RALGAPB: variants seen among roughly 807,000 people sequenced by gnomAD.
RALGAPB encodes the protein ral GTPase-activating protein subunit beta.
RALGAPB carries 25 observed loss-of-function variants against 161.1 expected under a neutral mutation model. The observed-to-expected ratio is 0.16, with a 90% CI of 0.11 to 0.22. The LOEUF (loss-of-function observed/expected upper bound fraction) is 0.22, where lower values mean the gene tolerates loss of function less well. RALGAPB is among the 10% of genes least tolerant of loss of function. The probability of loss-of-function intolerance (pLI) is 1.00; values close to 1 mark genes in which losing one functional copy is unlikely to be tolerated. For synonymous variants in RALGAPB, 629 were observed against 626.1 expected (o/e 1.00, Z -0.07); for missense variants, 1,391 against 1,815.2 (o/e 0.77, Z 4.25).
intron 7 of RALGAPB, 61 bp downstream of exon 7, chr20:38,516,431 A>G: frequency 6.8e-7 from 1 of 1,472,438 alleles, no homozygotes. Flanking sequence ...TCTAGAGGCT[A>G]ACCCTAGGAG....
At chr20:38,567,339 C>G (rs2088043819) in intron 26 of RALGAPB, 107 bp downstream of exon 26, 10 of 1,382,062 alleles carry the variant, frequency 7.2e-6, no homozygotes, top group Admixed American at 2.7e-5. Context: ...TATCAGAGTA[C>G]TGATTCCTTA....
At position 38,578,360 on chromosome 20, in the gene RALGAPB, C is replaced by T. The variant is rs564248719; in HGVS notation, c.*3393C>T. The T allele has an allele frequency of 4.6e-5, 7 of 152,240 alleles. No homozygotes were observed. Among genetic ancestry groups the T allele is most frequent in the Non-Finnish European group, 7.4e-5 (5 of 68,024 alleles). The allele number at this position is 152,240 out of a possible 1,614,324, so 9.4% of individuals were successfully genotyped here. ...TAGTGTGTTTCTCAGAATATCAACT[C>T]ATGTTCTTCAGATGCTTTTCTTTTT... On this transcript the variant is annotated 3_prime_UTR_variant, in exon 30 of 30. Coordinates refer to ENST00000262879, the MANE Select transcript of RALGAPB (RefSeq NM_020336.4).
At position 38,558,302 on chromosome 20, in the gene RALGAPB, C is replaced by T. The variant is rs2145472641; in HGVS notation, c.3380C>T (p.Ala1127Val). 6.6e-7 allele frequency: 1 copy of T among 1,512,282 alleles called. No individual in the cohort carries two copies. The highest frequency in any genetic ancestry group is 8.9e-7 in the Non-Finnish European group (1 of 1,124,604). 93.7% of individuals were successfully genotyped at this position (1,512,282 alleles called of 1,614,324 possible). A position where few individuals can be genotyped will look rare whatever the true frequency, so the allele number is the denominator to read the frequency against. ...TTCTTCTTTTGGTGGCAGGAACCTG[C>T]AAATAGTCGTCTACCTCCTCACCTT... Reference protein sequence around the residue: ...FLSLEALKEPANSRLPPHLIA... With the variant: ...FLSLEALKEPVNSRLPPHLIA... Residue 1127 changes from alanine (A) to valine (V), a missense_variant, in exon 23 of 30, where the codon GCA becomes GTA. By Grantham distance (64) the Ala-to-Val change is moderately conservative. Transcript: ENST00000262879.
Position 38,492,966 on chromosome 20 carries a change from A to T in RALGAPB, c.223A>T (p.Thr75Ser). Reference protein sequence around the residue: ...WTMEVICYGLTLPLDGETVKY... With the variant: ...WTMEVICYGLSLPLDGETVKY... The stretch of plus-strand genomic sequence containing the variant: ...CATGGAAGTAATTTGCTATGGACTG[A>T]CCCTTCCATTGGATGGAGAGACTGT... Residue 75 changes from threonine (T) to serine (S), a missense_variant, in exon 3 of 30, where the codon ACC (threonine) becomes TCC (serine). Transcript: ENST00000262879. The T allele has an allele frequency of 6.2e-7, 1 of 1,612,428 alleles. No homozygotes were observed. Among genetic ancestry groups the T allele is most frequent in the South Asian group, 1.1e-5 (1 of 91,044 alleles).
chr20:38,499,854 C>T, intron 5 of RALGAPB: 1 of 340,082 alleles, frequency 2.9e-6, no homozygotes, highest in Non-Finnish European at 5.2e-6. Context: ...AATTTTATAC[C>T]CTACTTCCCC....
At position 38,492,921 on chromosome 20, in the gene RALGAPB, T is replaced by C. The variant is rs772767984; in HGVS notation, c.187-9T>C. On this transcript the variant is annotated splice_polypyrimidine_tract_variant and intron_variant, in intron 2 of 29. Coordinates refer to ENST00000262879, the MANE Select transcript of RALGAPB (RefSeq NM_020336.4). The stretch of plus-strand genomic sequence containing the variant: ...TAATAATTCTATATGGATATTTTCT[T>C]TTGTCTAGGTAAAATGGACCATGGA... 1 of 1,586,980 alleles carries C rather than the reference T, an allele frequency of 6.3e-7. No homozygotes were observed. Among genetic ancestry groups the C allele is most frequent in the Non-Finnish European group, 8.7e-7 (1 of 1,155,996 alleles).
chr20:38,531,248 C>G lies in RALGAPB; in HGVS notation c.2115+17C>G. 1 of 1,568,758 alleles carries G rather than the reference C, an allele frequency of 6.4e-7. No individual in the cohort carries two copies. Among genetic ancestry groups the G allele is most frequent in the Non-Finnish European group, 8.8e-7 (1 of 1,140,428 alleles). ...ATGGAGATGGTAAGAAGCATACATG[C>G]AATCTGTCAGAGAATATCACTTTTG... On this transcript the variant is annotated intron_variant, in intron 14 of 29. Transcript: ENST00000262879.
At chr20:38,526,135 C>G (rs1267539545) in intron 13 of RALGAPB, 93 bp downstream of exon 13, 7 of 1,347,600 alleles carry the variant, frequency 5.2e-6, no homozygotes, top group Non-Finnish European at 7.2e-6. Context: ...GGAGCCTAAA[C>G]CTAATGTAGC....
intron 10 of RALGAPB, 67 bp downstream of exon 10, chr20:38,521,765 G>A (rs1006037801): frequency 2.3e-5 from 34 of 1,511,004 alleles, no homozygotes; most frequent in South Asian, 1.4e-4. Context: ...TTGGTTGGCC[G>A]ACTGAACCGA....
intron 5 of RALGAPB, among the ~76,000 whole-genome samples, chr20:38,505,599 A>G (rs2085738031): frequency 6.6e-6 from 1 of 152,160 alleles, no homozygotes; most frequent in Non-Finnish European, 1.5e-5. Flanking sequence ...GAAGGCACAG[A>G]TAAATTATTA....
At chr20:38,549,098 A>G (rs1011565499) in intron 20 of RALGAPB, among the ~76,000 whole-genome samples, 8 of 152,212 alleles carry the variant, frequency 5.3e-5, no homozygotes, top group Non-Finnish European at 1.0e-4. Context: ...TACAAATGTA[A>G]TAAAAGTCAG....
chr20:38,516,235 C>G lies in RALGAPB; in HGVS notation c.916C>G (p.Pro306Ala). ...LSNPAIISST[P>A]KFQEQFLNVS... is the part of the protein sequence containing the mutation. ...TAACCCAGCTATTATAAGCTCTACT[C>G]CCAAATTTCAGGAACAGTTCTTGAA... The change falls in exon 7 of 30, where the codon CCC (proline) becomes GCC (alanine). Residue 306 changes from proline to alanine, a missense_variant. Coordinates refer to ENST00000262879, the MANE Select transcript of RALGAPB (RefSeq NM_020336.4). The G allele has an allele frequency of 6.2e-7, 1 of 1,612,492 alleles. No homozygotes were observed. The highest frequency in any genetic ancestry group is 8.5e-7 in the Non-Finnish European group (1 of 1,178,974).
chr20:38,554,792 T>C (rs924792921), intron 22 of RALGAPB, among the ~76,000 whole-genome samples: 1 of 152,216 alleles, frequency 6.6e-6, no homozygotes, highest in Non-Finnish European at 1.5e-5. Context: ...TAAAACAATT[T>C]TACAGCCAGG....
intron 3 of RALGAPB, among the ~76,000 whole-genome samples, chr20:38,493,481 A>G (rs1208273269): frequency 2.0e-5 from 3 of 152,238 alleles, no homozygotes; most frequent in Non-Finnish European, 2.9e-5. Flanking sequence ...AGGGAGATGC[A>G]TCTACCTTAA....
chr20:38,506,170 A>T (rs906702059), intron 5 of RALGAPB, among the ~76,000 whole-genome samples: 2 of 152,190 alleles, frequency 1.3e-5, no homozygotes, highest in Non-Finnish European at 2.9e-5. Context: ...TGTGTAGGTT[A>T]TATGCAAATA....
chr20:38,530,231 A>T (rs1037708732), intron 13 of RALGAPB, among the ~76,000 whole-genome samples: 3 of 152,202 alleles, frequency 2.0e-5, no homozygotes, highest in Non-Finnish European at 4.4e-5. Flanking sequence ...ACTCATTAAC[A>T]CTTGAGCTCA....
At chr20:38,516,618 G>T (rs1339101861) in intron 7 of RALGAPB, 2 of 387,412 alleles carry the variant, frequency 5.2e-6, no homozygotes, top group Non-Finnish European at 4.6e-6. Flanking sequence ...CAAAACTGCA[G>T]TTACTTTTGC....
At chr20:38,558,066 A>G (rs947010794) in intron 22 of RALGAPB, among the ~76,000 whole-genome samples, 1 of 152,236 alleles carries the variant, frequency 6.6e-6, no homozygotes, top group Non-Finnish European at 1.5e-5. Context: ...TCCAAAAATT[A>G]TATACACAAT....
chr20:38,485,119 A>G lies in RALGAPB; in HGVS notation c.-30-3284A>G, dbSNP rs576911792. Among the ~76,000 whole-genome samples, 22 of 152,302 alleles carry G rather than the reference A, an allele frequency of 1.4e-4. No homozygotes were observed. The South Asian group carries it at 2.5e-3, about 17-fold the overall frequency. ...AAATTCAGTCTATTAAAATAGCACA[A>G]TATATTTTGTATTTATATGTAAATG... On this transcript the variant is annotated intron_variant, in intron 1 of 29. Coordinates refer to ENST00000262879, the MANE Select transcript of RALGAPB (RefSeq NM_020336.4).
Sources: allele counts gnomAD v4.1 joint callset (sites outside exome capture counted in the v4.1 genomes callset), GRCh38; gene constraint gnomAD v4.1.1; transcripts MANE v1.5; gene names NCBI Gene and HGNC (gene_info 2026-07-23, HGNC 2026-07-21).